DOK6: variants seen among roughly 807,000 people sequenced by gnomAD.
DOK6 encodes the protein docking protein 6.
A neutral mutation model predicts 44.0 loss-of-function variants in DOK6; 22 were observed. That is an observed-to-expected ratio of 0.50 (90% confidence interval 0.36 to 0.71). The LOEUF (loss-of-function observed/expected upper bound fraction) is 0.71. DOK6 is among the 30% of genes least tolerant of loss of function. The probability of loss-of-function intolerance (pLI) is 0.00; values close to 1 mark genes in which losing one functional copy is unlikely to be tolerated. For synonymous variants in DOK6, 166 were observed against 145.5 expected, an observed-to-expected ratio of 1.14 and a Z score of -1.01; for missense variants, 340 against 416.4, an observed-to-expected ratio of 0.82 and a Z score of 1.60.
chr18:69,836,557 C>T (rs1339644739), intron 7 of DOK6, among the ~76,000 whole-genome samples: 1 of 151,890 alleles, frequency 6.6e-6, no homozygotes, highest in Admixed American at 6.6e-5. Flanking sequence ...TCTATTAAAA[C>T]AAACATGAAT....
At chr18:69,423,926 A>G (rs747948400) in intron 1 of DOK6, among the ~76,000 whole-genome samples, 1 of 152,196 alleles carries the variant, frequency 6.6e-6, no homozygotes, top group East Asian at 1.9e-4. Flanking sequence ...GTTTTTCTAC[A>G]TTTATTAGAT....
At position 69,420,253 on chromosome 18, in the gene DOK6, T is replaced by G. The variant is rs142321714; in HGVS notation, c.66+18943T>G. 1.1e-3 allele frequency among the ~76,000 whole-genome samples: 163 copies of G among 152,224 alleles called. 1 individual carries two copies. The highest frequency in any genetic ancestry group is 3.7e-3 in the African/African-American group (153 of 41,564). On this transcript the variant is annotated intron_variant, in intron 1 of 7. Transcript: ENST00000382713. Reference sequence around the variant, plus strand: ...ATGTATTTGTTATATTGTGATTTTTTTCAGTTACTATTTTGACTATTCTTT... The same window carrying G: ...ATGTATTTGTTATATTGTGATTTTTGTCAGTTACTATTTTGACTATTCTTT...
In DOK6 at chr18:69,841,337, G is replaced by T; in HGVS notation, c.950G>T (p.Arg317Leu). 6.2e-7 allele frequency: 1 copy of T among 1,614,154 alleles called. No individual in the cohort carries two copies. The highest frequency in any genetic ancestry group is 1.3e-5 in the African/African-American group (1 of 75,032). ...QSEEAQQPLS[R>L]SSSYGFSYSS... is the part of the protein sequence containing the mutation. Reference sequence around the variant, plus strand: ...GAAGAGGCCCAGCAGCCGTTGTCGCGGTCCAGCAGCTATGGATTCAGCTAC... The same window carrying T: ...GAAGAGGCCCAGCAGCCGTTGTCGCTGTCCAGCAGCTATGGATTCAGCTAC... Residue 317 changes from arginine to leucine, a missense_variant, in exon 8 of 8, where the codon CGG becomes CTG. This residue lies in a region of DOK6 where 112 missense variants were observed against 109.3 expected (regional missense o/e 1.02). Coordinates refer to ENST00000382713, the MANE Select transcript of DOK6 (RefSeq NM_152721.6).
intron 1 of DOK6, among the ~76,000 whole-genome samples, chr18:69,560,357 A>C (rs1444516869): frequency 1.3e-5 from 2 of 152,096 alleles, no homozygotes; most frequent in Non-Finnish European, 2.9e-5. Context: ...ATTTCATGCT[A>C]TATGGTGAAG....
intron 2 of DOK6, among the ~76,000 whole-genome samples, chr18:69,586,287 CAAAG>C (rs1983498476): frequency 6.6e-6 from 1 of 152,044 alleles, no homozygotes; most frequent in Non-Finnish European, 1.5e-5. Flanking sequence ...AGCTTTTTGA[CAAAG>C]AAATGTTTTA....
At chr18:69,629,899 T>C (rs529168523) in intron 3 of DOK6, among the ~76,000 whole-genome samples, 2 of 152,294 alleles carry the variant, frequency 1.3e-5, no homozygotes, top group East Asian at 3.9e-4. Flanking sequence ...CAAGTGATTC[T>C]CCTGCCTCAG....
At chr18:69,411,732 C>T (rs995507882) in intron 1 of DOK6, among the ~76,000 whole-genome samples, 1 of 152,032 alleles carries the variant, frequency 6.6e-6, no homozygotes, top group African/African-American at 2.4e-5. Flanking sequence ...CTTGATATCA[C>T]TCATCAGTTT....
rs1014466804 is a variant in DOK6 at position 69,847,753 on chromosome 18, T to C, written c.*6370T>C. ...TAGTGCATAGTTCAAGAAATAATGC[T>C]TACTCTTGTAAAAAAAAAAAATATA... On this transcript the variant is annotated 3_prime_UTR_variant, in exon 8 of 8. Coordinates refer to ENST00000382713, the MANE Select transcript of DOK6 (RefSeq NM_152721.6). 1.9e-5 allele frequency: 2 copies of C among 104,924 alleles called. No homozygotes were observed. Among genetic ancestry groups the C allele is most frequent in the Admixed American group, 2.4e-4 (2 of 8,404 alleles). 6.5% of individuals were successfully genotyped at this position (104,924 alleles called of 1,614,324 possible). A position where few individuals can be genotyped will look rare whatever the true frequency, so the allele number is the denominator to read the frequency against.
chr18:69,440,501 A>T (rs1445993743), intron 1 of DOK6, among the ~76,000 whole-genome samples: 1 of 152,208 alleles, frequency 6.6e-6, no homozygotes, highest in Non-Finnish European at 1.5e-5. Flanking sequence ...TCAAGAAGGC[A>T]TTCGGAGTAG....
At position 69,623,063 on chromosome 18, in the gene DOK6, A is replaced by G. The variant is rs187914847; in HGVS notation, c.289+23565A>G. ...GACGTGATTGAATTATGGGGGGTGG[A>G]CTTCTCCCTTACTGTTCTCATGACA... is the stretch of plus-strand genomic sequence containing the variant. On this transcript the variant is annotated intron_variant, in intron 3 of 7. Coordinates refer to ENST00000382713, the MANE Select transcript of DOK6 (RefSeq NM_152721.6). Among the ~76,000 whole-genome samples the G allele has an allele frequency of 7.7e-3, 1,167 of 152,206 alleles. 4 individuals are homozygous for G. Among genetic ancestry groups the G allele is most frequent in the Middle Eastern group, 0.031 (9 of 294 alleles).
chr18:69,741,074 G>A (rs989013463), intron 6 of DOK6, among the ~76,000 whole-genome samples: 4 of 152,172 alleles, frequency 2.6e-5, no homozygotes, highest in African/African-American at 9.7e-5. Context: ...GTAACCACAG[G>A]CAGTCTAAAG....
intron 7 of DOK6, among the ~76,000 whole-genome samples, chr18:69,765,774 T>G (rs1017401642): frequency 6.6e-5 from 10 of 152,136 alleles, no homozygotes; most frequent in African/African-American, 2.4e-4. Context: ...ACTGATGTGA[T>G]TTTTGGGCAA....
At chr18:69,580,977 C>T (rs1488812083) in intron 2 of DOK6, among the ~76,000 whole-genome samples, 2 of 152,208 alleles carry the variant, frequency 1.3e-5, no homozygotes, top group Non-Finnish European at 2.9e-5. Flanking sequence ...CCAAACTCAT[C>T]CATGTTGCCA....
intron 7 of DOK6, among the ~76,000 whole-genome samples, chr18:69,793,444 C>T (rs1157928885): frequency 2.6e-5 from 4 of 152,086 alleles, no homozygotes; most frequent in Non-Finnish European, 4.4e-5. Context: ...AGTTGATTAC[C>T]GCACCAGAGT....
At chr18:69,804,643 A>G (rs1274433759) in intron 7 of DOK6, among the ~76,000 whole-genome samples, 1 of 152,192 alleles carries the variant, frequency 6.6e-6, no homozygotes, top group Non-Finnish European at 1.5e-5. Flanking sequence ...TGAACACATT[A>G]ACACATTTAG....
In DOK6 at chr18:69,702,772, CTT is replaced by C. The variant is rs541061210; in HGVS notation, c.599+4181_599+4182del. Among the ~76,000 whole-genome samples, 138 of 152,248 alleles carry C rather than the reference CTT, an allele frequency of 9.1e-4. 1 individual carries two copies. The highest frequency in any genetic ancestry group is 3.2e-3 in the African/African-American group (135 of 41,546). On this transcript the variant is annotated intron_variant, in intron 5 of 7. Transcript: ENST00000382713. ...AACCAGAACTTCACAGCTCTCTTGA[CTT>C]TATCTTCTTGATTCCAGAAATCATT...
At chr18:69,637,525 G>T (rs1984837153) in intron 3 of DOK6, among the ~76,000 whole-genome samples, 1 of 152,086 alleles carries the variant, frequency 6.6e-6, no homozygotes, top group African/African-American at 2.4e-5. Context: ...ATCATTCAGG[G>T]AGAAAGAAAA....
chr18:69,712,708 G>A (rs1239414099), intron 5 of DOK6, among the ~76,000 whole-genome samples: 1 of 152,108 alleles, frequency 6.6e-6, no homozygotes, highest in Admixed American at 6.5e-5. Context: ...TTAGCCAGGA[G>A]TGGGGGTGTG....
chr18:69,648,636 G>T (rs1032333391), intron 3 of DOK6, among the ~76,000 whole-genome samples: 1 of 152,116 alleles, frequency 6.6e-6, no homozygotes, highest in Non-Finnish European at 1.5e-5. Context: ...ACTAAATATC[G>T]TCTGTTAATT....
Sources: gnomAD v4.1 joint callset for allele counts (sites outside exome capture counted in the v4.1 genomes callset) on GRCh38, gnomAD v4.1.1 for gene constraint, gnomAD v4.1.1 regional missense constraint, MANE v1.5 for transcripts, NCBI Gene and HGNC (gene_info 2026-07-23, HGNC 2026-07-21) for gene names.